DRAXIN: variants seen among roughly 807,000 people sequenced by gnomAD.
The protein encoded by DRAXIN is dorsal repulsive axon guidance protein.
In DRAXIN, 27 loss-of-function variants were observed where a neutral mutation model predicts 33.9. The ratio of observed to expected loss-of-function variants is 0.80; its 90% CI spans 0.59 to 1.10. The LOEUF (loss-of-function observed/expected upper bound fraction) is 1.10. Among genes scored for constraint, DRAXIN ranks in the 50% least tolerant of loss-of-function variants. DRAXIN has a pLI of 0.00. For synonymous variants in DRAXIN, 178 were observed against 194.0 expected (o/e 0.92, Z 0.69); for missense variants, 371 against 460.8 (o/e 0.81, Z 1.78).
chr1:11,702,747 C>CTTTTTTT (rs33972819), intron 1 of DRAXIN, among the ~76,000 whole-genome samples: 4 of 145,550 alleles, frequency 2.7e-5, no homozygotes, highest in Non-Finnish European at 1.5e-5. Context: ...GGTATGAATT[C>CTTTTTTT]TTTTTTTTTT....
intron 5 of DRAXIN, among the ~76,000 whole-genome samples, chr1:11,713,054 T>C (rs1246443031): frequency 6.6e-6 from 1 of 151,686 alleles, no homozygotes; most frequent in African/African-American, 2.4e-5. Context: ...AAAAATTAGC[T>C]GGGCATGGTG....
In DRAXIN at chr1:11,706,510, C is replaced by G. The variant is rs1641383709; in HGVS notation, c.252C>G (p.Thr84=). The part of the protein sequence containing the change: ...QAQDGAVVTA[T]RQASRLPEAE... The stretch of plus-strand genomic sequence containing the variant: ...AGGATGGGGCTGTGGTCACCGCCAC[C>G]AGGCAGGCCTCCAGGCTGCCAGAGG... Residue 84 remains threonine, a synonymous_variant, in exon 2 of 7, where the codon ACC becomes ACG. Transcript: ENST00000294485. The surrounding 1 kb of genome is among the most constrained non-coding windows in gnomAD (Gnocchi z 5.5). The G allele has an allele frequency of 1.2e-6, 2 of 1,611,758 alleles. No homozygotes were observed. Among genetic ancestry groups the G allele is most frequent in the South Asian group, 2.2e-5 (2 of 90,888 alleles).
At chr1:11,715,288 C>A in intron 6 of DRAXIN, 80 bp downstream of exon 6, 2 of 1,552,618 alleles carry the variant, frequency 1.3e-6, no homozygotes, top group Non-Finnish European at 1.8e-6. Flanking sequence ...GGCTTCTGCA[C>A]CGAGTGGGGA....
chr1:11,716,035 A>G (rs371226295), intron 6 of DRAXIN, among the ~76,000 whole-genome samples: 24 of 152,200 alleles, frequency 1.6e-4, no homozygotes, highest in African/African-American at 5.3e-4. Context: ...AGCCCAGCTA[A>G]TTTTTGTATT....
chr1:11,686,951 C>T (rs1048992476), upstream of DRAXIN, among the ~76,000 whole-genome samples: 2 of 152,024 alleles, frequency 1.3e-5, no homozygotes, highest in African/African-American at 4.8e-5. Context: ...GGAACATTTT[C>T]ATCACTCCTG....
rs1641159707 is a variant in DRAXIN, at chr1:11,694,474, A to G, written c.-11+2621A>G. ...TGTTATAGGGGTAGAAACTGAGACCAGAGAACGAAGTGGCTCACCCCAGCC... is the reference window on the plus strand; with the variant it reads ...TGTTATAGGGGTAGAAACTGAGACCGGAGAACGAAGTGGCTCACCCCAGCC... On this transcript the variant is annotated intron_variant, in intron 1 of 6. Coordinates refer to ENST00000294485, the MANE Select transcript of DRAXIN (RefSeq NM_198545.4). This position sits in a 1 kb window ranked among gnomAD's most constrained non-coding sequence, Gnocchi z 4.9. Among the ~76,000 whole-genome samples the G allele has an allele frequency of 1.3e-5, 2 of 152,144 alleles. No homozygotes were observed. Among genetic ancestry groups the G allele is most frequent in the African/African-American group, 4.8e-5 (2 of 41,420 alleles).
At position 11,725,247 on chromosome 1, in the gene DRAXIN, T is replaced by C. The variant is rs1222656966; in HGVS notation, c.*5551T>C. 6.6e-6 allele frequency: 1 copy of C among 152,200 alleles called. No homozygotes were observed. Among genetic ancestry groups the C allele is most frequent in the African/African-American group, 2.4e-5 (1 of 41,430 alleles). 9.4% of individuals were successfully genotyped at this position (152,200 alleles called of 1,614,324 possible). A position where few individuals can be genotyped will look rare whatever the true frequency, so the allele number is the denominator to read the frequency against. ...GGGAGGATCGCTTGAGCCCAAGAGGTTGAGGCTGCAGTGAGCCATGATCGC... is the reference window on the plus strand; with the variant it reads ...GGGAGGATCGCTTGAGCCCAAGAGGCTGAGGCTGCAGTGAGCCATGATCGC... On this transcript the variant is annotated 3_prime_UTR_variant, in exon 7 of 7. Transcript: ENST00000294485.
At chr1:11,717,566 G>A (rs577696685) in intron 6 of DRAXIN, among the ~76,000 whole-genome samples, 32 of 150,398 alleles carry the variant, frequency 2.1e-4, no homozygotes, top group African/African-American at 6.9e-4. Context: ...GGAGGCTGAG[G>A]CAGGAGAATC....
In DRAXIN at chr1:11,706,686, G is replaced by C. The variant is rs767488645; in HGVS notation, c.428G>C (p.Arg143Thr). Residue 143 changes from arginine to threonine, a missense_variant, in exon 2 of 7, where the codon AGG (arginine) becomes ACG (threonine). Coordinates refer to ENST00000294485, the MANE Select transcript of DRAXIN (RefSeq NM_198545.4). The surrounding 1 kb of genome is among the most constrained non-coding windows in gnomAD (Gnocchi z 5.5). ...RKRSREHKRR[R>T]DRLRLHQGRA... ...CGCAGCAGGGAGCACAAGAGACGCA[G>C]GGACAGGTTGAGGCTGCACCAAGGT... 31 of 1,589,496 alleles carry C rather than the reference G, an allele frequency of 2.0e-5. No homozygotes were observed. Among genetic ancestry groups the C allele is most frequent in the African/African-American group, 4.0e-5 (3 of 74,684 alleles).
chr1:11,717,661 C>CAAAA (rs34363083), intron 6 of DRAXIN, among the ~76,000 whole-genome samples: 1 of 124,146 alleles, frequency 8.1e-6, no homozygotes, highest in Non-Finnish European at 1.7e-5. Context: ...GACTCCGTCT[C>CAAAA]AAAAAAAAAA....
rs1641386669 is a variant in DRAXIN, at chr1:11,706,633, A to T, written c.375A>T (p.Arg125=). ...LALPYPEKEN[R]PPGWERTRKR... is the part of the protein sequence containing the mutation. ...TGCCCTACCCCGAGAAGGAGAACCG[A>T]CCTCCAGGTTGGGAGAGGACCAGGA... The change falls in exon 2 of 7, where the codon CGA becomes CGT. Residue 125 remains arginine, a synonymous_variant. Coordinates refer to ENST00000294485, the MANE Select transcript of DRAXIN (RefSeq NM_198545.4). The surrounding 1 kb of genome is among the most constrained non-coding windows in gnomAD (Gnocchi z 5.5). 6.3e-7 allele frequency: 1 copy of T among 1,599,792 alleles called. No individual in the cohort carries two copies. The highest frequency in any genetic ancestry group is 8.5e-7 in the Non-Finnish European group (1 of 1,179,442).
At position 11,709,286 on chromosome 1, in the gene DRAXIN, G is replaced by A. The variant is rs748261293; in HGVS notation, c.463G>A (p.Val155Ile). ...RLRLHQGRAL[V>I]RGPSSLMKKA... The stretch of plus-strand genomic sequence containing the variant: ...ACCCTGTGTCTCAGGCCGAGCCTTG[G>A]TCCGAGGTCCCAGCTCCCTGATGAA... Residue 155 changes from valine to isoleucine, a missense_variant, in exon 3 of 7, where the codon GTC (valine) becomes ATC (isoleucine). Coordinates refer to ENST00000294485, the MANE Select transcript of DRAXIN (RefSeq NM_198545.4). 3 of 1,612,228 alleles carry A rather than the reference G, an allele frequency of 1.9e-6. No individual in the cohort carries two copies. Among genetic ancestry groups the A allele is most frequent in the Middle Eastern group, 1.7e-4 (1 of 6,048 alleles).
rs370585950 is a variant in DRAXIN at position 11,706,456 on chromosome 1, G to A, written c.198G>A (p.Glu66=). ...HHRRRGPGKK[E]WGPGLPSQAQ... ...GCCGGCGGGGCCCGGGCAAGAAGGA[G>A]TGGGGCCCAGGCCTGCCCAGCCAGG... Residue 66 remains glutamate, a synonymous_variant, in exon 2 of 7, where the codon GAG becomes GAA. Transcript: ENST00000294485. The surrounding 1 kb of genome is among the most constrained non-coding windows in gnomAD (Gnocchi z 5.5). 2.7e-4 allele frequency: 429 copies of A among 1,611,180 alleles called. 3 individuals are homozygous for A. The African/African-American group carries it at 5.3e-3, about 20-fold the overall frequency.
At chr1:11,686,698 C>T in the DRAXIN span, among the ~76,000 whole-genome samples, 1 of 151,744 alleles carries the variant, frequency 6.6e-6, no homozygotes, top group Admixed American at 6.6e-5. Context: ...CCACTGCGCC[C>T]GGCCCAGAGA....
rs1293520766 is a variant in DRAXIN, at chr1:11,709,340, C to T, written c.517C>T (p.Leu173=). 6.2e-7 allele frequency: 1 copy of T among 1,614,014 alleles called. No homozygotes were observed. The highest frequency in any genetic ancestry group is 8.5e-7 in the Non-Finnish European group (1 of 1,179,942). The change falls in exon 3 of 7, where the codon CTG becomes TTG. Residue 173 remains leucine, a synonymous_variant. Transcript: ENST00000294485. ...GGCAGAGCTCTCCGAAGCCCAGGTGCTGGATGCAGCCATGGAGGAATCCTC... is the reference window on the plus strand; with the variant it reads ...GGCAGAGCTCTCCGAAGCCCAGGTGTTGGATGCAGCCATGGAGGAATCCTC... ...KKAELSEAQV[L]DAAMEESSTS...
chr1:11,695,606 A>G (rs955414209), intron 1 of DRAXIN, among the ~76,000 whole-genome samples: 1 of 95,426 alleles, frequency 1.0e-5, no homozygotes, highest in Non-Finnish European at 2.2e-5. Flanking sequence ...TGTCTCAAAA[A>G]AAAAAATATA....
chr1:11,709,147 C>A, intron 2 of DRAXIN, 128 bp from the exon 3 acceptor site: 1 of 1,006,314 alleles, frequency 9.9e-7, no homozygotes, highest in Non-Finnish European at 1.4e-6. Context: ...GGAATGGGGG[C>A]TGAACCAAGG....
chr1:11,700,091 G>A (rs1382543014), intron 1 of DRAXIN, among the ~76,000 whole-genome samples: 1 of 151,962 alleles, frequency 6.6e-6, no homozygotes, highest in Non-Finnish European at 1.5e-5. Context: ...ACAAAAATTA[G>A]CTGGGCGTGG....
At chr1:11,699,926 C>CAATA (rs60342076) in intron 1 of DRAXIN, among the ~76,000 whole-genome samples, 175 of 142,718 alleles carry the variant, frequency 1.2e-3, no homozygotes, top group South Asian at 6.3e-3. Context: ...GACTCACTCT[C>CAATA]AATAAATAAA....
Sources: allele counts gnomAD v4.1 joint callset (sites outside exome capture counted in the v4.1 genomes callset), GRCh38; gene constraint gnomAD v4.1.1; non-coding constraint Gnocchi (gnomAD v3.1); transcripts MANE v1.5; gene names NCBI Gene and HGNC (gene_info 2026-07-23, HGNC 2026-07-21).